The following PPP3CA variants were observed in gnomAD, a reference collection of about 807,000 sequenced individuals.
PPP3CA encodes the protein protein phosphatase 3 catalytic subunit alpha, also known as CAM-PRP catalytic subunit.
In PPP3CA, 14 loss-of-function variants were observed where a neutral mutation model predicts 66.5. That is an observed-to-expected ratio of 0.21 (90% CI 0.14 to 0.33). The LOEUF is 0.33. Ranked by LOEUF, PPP3CA falls within the 10% of genes least tolerant of loss-of-function variation. The probability of loss-of-function intolerance (pLI) is 1.00; values close to 1 mark genes in which losing one functional copy is unlikely to be tolerated. For missense variants in PPP3CA, 317 were observed against 639.5 expected, an observed-to-expected ratio of 0.50 and a Z score of 5.44; for synonymous variants, 232 against 226.2, an observed-to-expected ratio of 1.03 and a Z score of -0.23.
intron 1 of PPP3CA, among the ~76,000 whole-genome samples, chr4:101,215,437 C>T (rs1210301980): frequency 2.0e-5 from 3 of 151,970 alleles, no homozygotes; most frequent in Admixed American, 6.6e-5. Flanking sequence ...CTTCCCAATT[C>T]CTCATTTCTA....
chr4:101,061,334 A>AGACTT (rs2110225198), intron 9 of PPP3CA, among the ~76,000 whole-genome samples, 173 bp from the exon 10 acceptor site: 1 of 152,310 alleles, frequency 6.6e-6, no homozygotes, highest in African/African-American at 2.4e-5. Flanking sequence ...GATTCTATGC[A>AGACTT]GACTTTATGA....
chr4:101,104,844 T>C (rs940383025), intron 3 of PPP3CA, among the ~76,000 whole-genome samples: 1 of 152,186 alleles, frequency 6.6e-6, no homozygotes, highest in Non-Finnish European at 1.5e-5. Flanking sequence ...ACATTTCACA[T>C]ATGAGTCATT....
chr4:101,061,107 G>A lies in PPP3CA; in HGVS notation c.1136C>T (p.Ser379Leu), dbSNP rs1728443094. 6.2e-7 allele frequency: 1 copy of A among 1,611,890 alleles called. No homozygotes were observed. Residue 379 changes from serine (S) to leucine (L), a missense_variant, in exon 10 of 14, where the codon TCA (serine) becomes TTA (leucine). Ser to Leu is a moderately radical substitution (Grantham distance 145). Coordinates refer to ENST00000394854, the MANE Select transcript of PPP3CA (RefSeq NM_000944.5). ...CTTACCATCAAATCCATCTTCTTCT[G>A]ACCCTAGTTCATCATCTGAGCAGAT... ...LNICSDDELG[S>L]EEDGFDGATA...
rs1043620716 is a variant in PPP3CA at position 101,039,315 on chromosome 4, C to T, written c.1241+1167G>A. Reference sequence around the variant, plus strand: ...ACACACTAAAAGAAGTTCTTTATCTCCCACTTGCTCCATCTCTACATTGCC... The same window carrying T: ...ACACACTAAAAGAAGTTCTTTATCTTCCACTTGCTCCATCTCTACATTGCC... On this transcript the variant is annotated intron_variant, in intron 11 of 13. Coordinates refer to ENST00000394854, the MANE Select transcript of PPP3CA (RefSeq NM_000944.5). 4.1e-5 allele frequency among the ~76,000 whole-genome samples: 6 copies of T among 145,046 alleles called. 1 individual carries two copies. Among genetic ancestry groups the T allele is most frequent in the Non-Finnish European group, 6.2e-5 (4 of 64,648 alleles).
chr4:101,210,270 C>T (rs1412212720), intron 1 of PPP3CA, among the ~76,000 whole-genome samples: 1 of 152,090 alleles, frequency 6.6e-6, no homozygotes, highest in Non-Finnish European at 1.5e-5. Flanking sequence ...TATGGTCCGG[C>T]TATAATCAAT....
intron 2 of PPP3CA, among the ~76,000 whole-genome samples, chr4:101,169,765 T>C (rs1723814647): frequency 6.6e-6 from 1 of 151,998 alleles, no homozygotes; most frequent in African/African-American, 2.4e-5. Flanking sequence ...GACTCTTATG[T>C]GATGACTTTG....
intron 2 of PPP3CA, among the ~76,000 whole-genome samples, chr4:101,141,173 C>T (rs929597711): frequency 6.6e-6 from 1 of 152,078 alleles, no homozygotes; most frequent in Non-Finnish European, 1.5e-5. Flanking sequence ...AGTTCGAGAT[C>T]AGCCTGACCA....
chr4:101,205,995 T>A (rs890110396), intron 1 of PPP3CA, among the ~76,000 whole-genome samples: 2 of 152,222 alleles, frequency 1.3e-5, no homozygotes, highest in South Asian at 4.1e-4. Flanking sequence ...AATTCCCACC[T>A]GCTCTGGCTC....
At chr4:101,258,014 A>G (rs901762313) in intron 1 of PPP3CA, among the ~76,000 whole-genome samples, 1 of 152,116 alleles carries the variant, frequency 6.6e-6, no homozygotes, top group Non-Finnish European at 1.5e-5. Context: ...TAGGTGTCCA[A>G]AAACTATCTG....
intron 1 of PPP3CA, among the ~76,000 whole-genome samples, chr4:101,225,046 T>C (rs1472822106): frequency 1.3e-5 from 2 of 151,698 alleles, no homozygotes; most frequent in African/African-American, 4.8e-5. Context: ...TTAGAACACT[T>C]AACCCCATGG....
At chr4:101,114,348 C>T (rs1041077172) in intron 2 of PPP3CA, among the ~76,000 whole-genome samples, 8 of 152,060 alleles carry the variant, frequency 5.3e-5, no homozygotes, top group Admixed American at 5.2e-4. Flanking sequence ...CTATTCATAT[C>T]TGTTAGCAAC....
At chr4:101,294,010 A>C (rs570028359) in intron 1 of PPP3CA, among the ~76,000 whole-genome samples, 129 of 152,350 alleles carry the variant, frequency 8.5e-4, no homozygotes, top group Admixed American at 3.1e-3. Flanking sequence ...TTCACATTTA[A>C]AAGGCAATCT....
At chr4:101,326,363 C>G (rs1729209114) in intron 1 of PPP3CA, among the ~76,000 whole-genome samples, 1 of 152,118 alleles carries the variant, frequency 6.6e-6, no homozygotes, top group Admixed American at 6.5e-5. Flanking sequence ...GAACAGATTT[C>G]CATATTAACC....
At chr4:101,111,986 T>C (rs1283864439) in intron 2 of PPP3CA, among the ~76,000 whole-genome samples, 1 of 152,132 alleles carries the variant, frequency 6.6e-6, no homozygotes, top group East Asian at 1.9e-4. Context: ...TTCCTTTCTC[T>C]CCCCTTCTAG....
chr4:101,125,122 G>A (rs539730505), intron 2 of PPP3CA, among the ~76,000 whole-genome samples: 5 of 152,338 alleles, frequency 3.3e-5, no homozygotes, highest in South Asian at 2.1e-4. Flanking sequence ...GGGGGTATAA[G>A]ATACTATAGA....
chr4:101,312,711 T>G (rs1728767323), intron 1 of PPP3CA, among the ~76,000 whole-genome samples: 1 of 152,046 alleles, frequency 6.6e-6, no homozygotes, highest in Non-Finnish European at 1.5e-5. Context: ...TAATCTTTAA[T>G]TATTAATTTT....
At chr4:101,302,054 G>C (rs1728395913) in intron 1 of PPP3CA, among the ~76,000 whole-genome samples, 2 of 151,976 alleles carry the variant, frequency 1.3e-5, no homozygotes, top group African/African-American at 4.8e-5. Flanking sequence ...TTAGATACTA[G>C]TTTTACTGAT....
rs749694086 is a variant in PPP3CA at position 101,289,865 on chromosome 4, CGTGTATGT to C, written c.58+56866_58+56873del. Among the ~76,000 whole-genome samples, 505 of 118,046 alleles carry C rather than the reference CGTGTATGT, an allele frequency of 4.3e-3. 1 individual carries two copies. Among genetic ancestry groups the C allele is most frequent in the African/African-American group, 0.018 (469 of 26,756 alleles). The allele number at this position is 118,046 out of a possible 152,430, so 77.4% of individuals were successfully genotyped here. ...AATATCACTATAATCCCAAAATGTC[CGTGTATGT>C]GTGTGTGTGTGTGTGTGTGTGTGTG... On this transcript the variant is annotated intron_variant, in intron 1 of 13. Transcript: ENST00000394854.
chr4:101,075,992 G>C (rs985877451), intron 8 of PPP3CA, among the ~76,000 whole-genome samples: 1 of 152,136 alleles, frequency 6.6e-6, no homozygotes, highest in African/African-American at 2.4e-5. Context: ...AAGGTTTATT[G>C]TATTGGTGAG....
Sources: gnomAD v4.1 joint callset for allele counts (sites outside exome capture counted in the v4.1 genomes callset) on GRCh38, gnomAD v4.1.1 for gene constraint, MANE v1.5 for transcripts, NCBI Gene and HGNC (gene_info 2026-07-23, HGNC 2026-07-21) for gene names.